The following CSMD1 variants were observed in gnomAD, a reference collection of about 807,000 sequenced individuals.
CSMD1 encodes CUB and Sushi multiple domains 1, also known as CUB and sushi domain-containing protein 1.
A neutral mutation model predicts 417.5 loss-of-function variants in CSMD1; 213 were observed. That is an observed-to-expected ratio of 0.51 (90% confidence interval 0.46 to 0.57). CSMD1 has a LOEUF of 0.57. Among genes scored for constraint, CSMD1 ranks in the 20% least tolerant of loss-of-function variants. The pLI is 0.00. For synonymous variants in CSMD1, 2,862 were observed against 1,736.8 expected (o/e 1.65, Z -16.11); for missense variants, 6,923 against 4,529.7 (o/e 1.53, Z -15.17).
At chr8:4,806,944 T>A (rs1431984177) in intron 1 of CSMD1, among the ~76,000 whole-genome samples, 1 of 152,244 alleles carries the variant, frequency 6.6e-6, no homozygotes, top group Non-Finnish European at 1.5e-5. Context: ...AGCTATTATT[T>A]ATGTTCAATT....
chr8:3,280,853 C>G (rs1054804828), intron 26 of CSMD1, among the ~76,000 whole-genome samples: 1 of 152,006 alleles, frequency 6.6e-6, no homozygotes, highest in Non-Finnish European at 1.5e-5. Flanking sequence ...GGGTCTTCTT[C>G]TTTTTTTCTA....
intron 1 of CSMD1, among the ~76,000 whole-genome samples, chr8:4,771,420 A>G (rs995498906): frequency 6.6e-5 from 10 of 152,232 alleles, no homozygotes; most frequent in Admixed American, 6.5e-4. Flanking sequence ...CCATTTTAAA[A>G]TATCAAATCC....
intron 1 of CSMD1, among the ~76,000 whole-genome samples, chr8:4,685,512 G>C (rs577808471): frequency 1.3e-5 from 2 of 152,142 alleles, no homozygotes; most frequent in Non-Finnish European, 1.5e-5. Context: ...GGAGGCGGAG[G>C]TTGCAGTGAG....
At chr8:3,056,408 C>G (rs1266822837) in intron 49 of CSMD1, among the ~76,000 whole-genome samples, 1 of 152,186 alleles carries the variant, frequency 6.6e-6, no homozygotes, top group Admixed American at 6.5e-5. Context: ...CTCGCTGTCA[C>G]TCAGGCTGCA....
At chr8:3,848,371 AT>A (rs145037870) in intron 5 of CSMD1, among the ~76,000 whole-genome samples, 1 of 151,922 alleles carries the variant, frequency 6.6e-6, no homozygotes, top group African/African-American at 2.4e-5. Flanking sequence ...AAAAAGACTC[AT>A]TTTTTTTCTC....
At chr8:3,915,873 T>A (rs1330563289) in intron 5 of CSMD1, among the ~76,000 whole-genome samples, 1 of 149,782 alleles carries the variant, frequency 6.7e-6, no homozygotes, top group East Asian at 2.0e-4. Flanking sequence ...CAATTGTTTT[T>A]GAATAACAAG....
At chr8:2,956,970 C>T (rs984753566) in intron 63 of CSMD1, among the ~76,000 whole-genome samples, 2 of 151,524 alleles carry the variant, frequency 1.3e-5, no homozygotes, top group Admixed American at 6.6e-5. Context: ...AAAATAAATA[C>T]ACCCAAAAAT....
Position 3,806,472 on chromosome 8 carries a change from T to C in CSMD1, c.819-52430A>G, listed in dbSNP as rs116334862. Among the ~76,000 whole-genome samples the C allele has an allele frequency of 5.0e-3, 754 of 152,318 alleles. 6 individuals are homozygous for C. The highest frequency in any genetic ancestry group is 0.018 in the African/African-American group (735 of 41,572). ...AAGGCAATTTGAAGCTATCAGCTTCTATAACTGAGTCTCCAAAAGAACCAA... is the reference window on the plus strand; with the variant it reads ...AAGGCAATTTGAAGCTATCAGCTTCCATAACTGAGTCTCCAAAAGAACCAA... On this transcript the variant is annotated intron_variant, in intron 5 of 69. Coordinates refer to ENST00000635120, the MANE Select transcript of CSMD1 (RefSeq NM_033225.6).
chr8:4,791,608 A>G (rs1723662762), intron 1 of CSMD1, among the ~76,000 whole-genome samples: 1 of 152,198 alleles, frequency 6.6e-6, no homozygotes, highest in African/African-American at 2.4e-5. Context: ...CTTAAGCAGC[A>G]ATGTTACCAA....
intron 3 of CSMD1, among the ~76,000 whole-genome samples, chr8:4,106,862 G>A (rs1198726792): frequency 6.6e-6 from 1 of 152,014 alleles, no homozygotes; most frequent in East Asian, 1.9e-4. Flanking sequence ...AAACTGCCCC[G>A]CATTTCTTCA....
chr8:2,954,777 T>C (rs1802885599), intron 64 of CSMD1, among the ~76,000 whole-genome samples: 1 of 152,236 alleles, frequency 6.6e-6, no homozygotes, highest in Non-Finnish European at 1.5e-5. Flanking sequence ...TTCACAGTTT[T>C]AGATCAAACT....
intron 1 of CSMD1, among the ~76,000 whole-genome samples, chr8:4,700,115 G>C (rs1454465222): frequency 6.6e-6 from 1 of 152,044 alleles, no homozygotes; most frequent in Admixed American, 6.6e-5. Flanking sequence ...TCTAATAAGT[G>C]GTGAACTTTT....
Position 2,971,741 on chromosome 8 carries a change from A to C in CSMD1, c.8923+1376T>G, listed in dbSNP as rs74584370. On this transcript the variant is annotated intron_variant, in intron 57 of 69. Transcript: ENST00000635120. ...AACTGAAAACATTTGCATTTGATTAACAAATTTATATCAATTTATAGTGTC... is the reference window on the plus strand; with the variant it reads ...AACTGAAAACATTTGCATTTGATTACCAAATTTATATCAATTTATAGTGTC... Among the ~76,000 whole-genome samples, 1,175 of 152,308 alleles carry C rather than the reference A, an allele frequency of 7.7e-3. 53 individuals carry two copies. In the East Asian group the frequency reaches 0.086, roughly 11 times the overall value.
chr8:4,831,382 G>C (rs1800139835), intron 1 of CSMD1, among the ~76,000 whole-genome samples: 1 of 152,096 alleles, frequency 6.6e-6, no homozygotes, highest in Admixed American at 6.5e-5. Flanking sequence ...ATAAAACAAT[G>C]ACAAAGGACA....
At chr8:4,567,235 G>A (rs924210616) in intron 2 of CSMD1, among the ~76,000 whole-genome samples, 31 of 152,226 alleles carry the variant, frequency 2.0e-4, no homozygotes, top group Middle Eastern at 3.4e-3. Context: ...GAATATAAGT[G>A]AGTGAATGAA....
chr8:3,060,441 C>T (rs867049774), intron 49 of CSMD1, among the ~76,000 whole-genome samples: 11 of 152,108 alleles, frequency 7.2e-5, no homozygotes, highest in Non-Finnish European at 1.5e-4. Context: ...CACCCACCTT[C>T]GTCTCACAAA....
chr8:4,041,166 G>C (rs533930426), intron 3 of CSMD1, among the ~76,000 whole-genome samples: 1 of 151,416 alleles, frequency 6.6e-6, no homozygotes, highest in Non-Finnish European at 1.5e-5. Flanking sequence ...ACAGGCGCCC[G>C]CCACCACGCC....
At chr8:3,731,902 G>A (rs1210216931) in intron 6 of CSMD1, among the ~76,000 whole-genome samples, 1 of 152,180 alleles carries the variant, frequency 6.6e-6, no homozygotes, top group Non-Finnish European at 1.5e-5. Context: ...TGAATAATGT[G>A]ACCTTAGTGG....
intron 6 of CSMD1, among the ~76,000 whole-genome samples, chr8:3,708,696 C>T (rs1283204788): frequency 6.6e-6 from 1 of 152,198 alleles, no homozygotes; most frequent in East Asian, 1.9e-4. Context: ...AAGATCACAT[C>T]TTACAGCATC....
Sources: gnomAD v4.1 joint callset for allele counts (sites outside exome capture counted in the v4.1 genomes callset) on GRCh38, gnomAD v4.1.1 for gene constraint, MANE v1.5 for transcripts, NCBI Gene and HGNC (gene_info 2026-07-23, HGNC 2026-07-21) for gene names.